The following FTO variants were observed in gnomAD, a reference collection of about 807,000 sequenced individuals.
FTO encodes alpha-ketoglutarate-dependent dioxygenase FTO.
A neutral mutation model predicts 63.9 loss-of-function variants in FTO; 47 were observed. The ratio of observed to expected loss-of-function variants is 0.74; its 90% CI spans 0.58 to 0.94. The LOEUF (loss-of-function observed/expected upper bound fraction) is 0.94. FTO is among the 40% of genes least tolerant of loss of function. The pLI, the probability that FTO is intolerant of heterozygous loss-of-function variation, is 0.00. For synonymous variants in FTO, 207 were observed against 224.4 expected (o/e 0.92, Z 0.69); for missense variants, 562 against 618.1 (o/e 0.91, Z 0.96).
chr16:54,056,828 T>G (rs1567544281), intron 8 of FTO, among the ~76,000 whole-genome samples: 1 of 152,170 alleles, frequency 6.6e-6, no homozygotes, highest in South Asian at 2.1e-4. Flanking sequence ...GAAATAATAA[T>G]GTTTGTTGTT....
upstream of FTO, chr16:53,704,078 A>C (rs1310197050): frequency 2.6e-6 from 3 of 1,174,188 alleles, no homozygotes; most frequent in African/African-American, 3.0e-5. Context: ...CAGAGGGAGA[A>C]TAGCTCCAGA....
intron 7 of FTO, among the ~76,000 whole-genome samples, chr16:53,921,103 A>C (rs2081996982): frequency 2.0e-5 from 3 of 152,364 alleles, no homozygotes; most frequent in South Asian, 4.1e-4. Flanking sequence ...GTAGGGCCGC[A>C]GACAAAAGGC....
At chr16:54,106,556 TATA>T (rs1475593244) in intron 8 of FTO, among the ~76,000 whole-genome samples, 2 of 142,122 alleles carry the variant, frequency 1.4e-5, no homozygotes, top group Non-Finnish European at 3.0e-5. Flanking sequence ...TAATATTAGA[TATA>T]ATTATTCTAT....
intron 7 of FTO, among the ~76,000 whole-genome samples, chr16:53,933,770 G>C (rs946958178): frequency 6.6e-6 from 1 of 152,144 alleles, no homozygotes; most frequent in African/African-American, 2.4e-5. Context: ...GTTACTTAAG[G>C]CAATGGAGCT....
chr16:53,794,479 C>A (rs2078008502), intron 1 of FTO, among the ~76,000 whole-genome samples: 1 of 152,138 alleles, frequency 6.6e-6, no homozygotes, highest in Admixed American at 6.5e-5. Context: ...AGATTTAGCT[C>A]CCATAGAGTG....
chr16:53,853,210 C>T (rs1315538264), intron 4 of FTO, among the ~76,000 whole-genome samples: 6 of 152,112 alleles, frequency 3.9e-5, no homozygotes, highest in Non-Finnish European at 7.4e-5. Context: ...GAGGCCGAGG[C>T]CAGAGAATCC....
chr16:53,852,100 A>G (rs1345475245), intron 4 of FTO, among the ~76,000 whole-genome samples: 3 of 133,578 alleles, frequency 2.2e-5, no homozygotes, highest in Non-Finnish European at 4.7e-5. Flanking sequence ...TACAAAAAAT[A>G]CAAAAAAAAA....
chr16:54,104,884 T>C (rs1458664343), intron 8 of FTO, among the ~76,000 whole-genome samples: 1 of 152,238 alleles, frequency 6.6e-6, no homozygotes, highest in Non-Finnish European at 1.5e-5. Context: ...CAAGCCCTTC[T>C]GGCCAGCGTT....
intron 8 of FTO, among the ~76,000 whole-genome samples, chr16:54,097,859 G>A (rs1175643345): frequency 1.3e-5 from 2 of 152,186 alleles, no homozygotes; most frequent in Non-Finnish European, 2.9e-5. Flanking sequence ...GCTGTCCTGA[G>A]TAAGGCGGTC....
intron 3 of FTO, among the ~76,000 whole-genome samples, chr16:53,830,761 T>A (rs1179415360): frequency 3.9e-5 from 6 of 152,124 alleles, no homozygotes; most frequent in Non-Finnish European, 1.5e-5. Context: ...CTGGGCATGG[T>A]GGTGCGCACC....
At chr16:54,064,079 T>C (rs1374818996) in intron 8 of FTO, 13 of 152,182 alleles carry the variant, frequency 8.5e-5, no homozygotes, top group African/African-American at 3.1e-4. Flanking sequence ...GCTTTACTTA[T>C]CCTGCTAGTT....
At chr16:53,918,191 G>A (rs182004414) in intron 7 of FTO, among the ~76,000 whole-genome samples, 95 of 152,256 alleles carry the variant, frequency 6.2e-4, no homozygotes, top group African/African-American at 2.1e-3. Context: ...TAATGATGGG[G>A]ATATTTTCCG....
chr16:54,100,351 T>TTTTG (rs1242511182), intron 8 of FTO, among the ~76,000 whole-genome samples: 39 of 152,168 alleles, frequency 2.6e-4, no homozygotes, highest in African/African-American at 8.2e-4. Context: ...ATTGTGGGGT[T>TTTTG]TTTGTTTGTT....
chr16:53,915,216 G>A (rs1240623739), intron 7 of FTO, among the ~76,000 whole-genome samples: 1 of 152,138 alleles, frequency 6.6e-6, no homozygotes, highest in African/African-American at 2.4e-5. Context: ...CCTTTCTGCT[G>A]TCAGTGTTTA....
intron 7 of FTO, among the ~76,000 whole-genome samples, chr16:53,892,496 T>C (rs2081174478): frequency 6.6e-6 from 1 of 152,200 alleles, no homozygotes; most frequent in South Asian, 2.1e-4. Flanking sequence ...CTAATCCAAA[T>C]GGAATTTCTG....
chr16:54,075,812 T>G (rs2085979619), intron 8 of FTO, among the ~76,000 whole-genome samples: 1 of 152,244 alleles, frequency 6.6e-6, no homozygotes, highest in Non-Finnish European at 1.5e-5. Context: ...GTATGTGAAA[T>G]TATTTCTTTA....
At chr16:53,918,377 A>G (rs377022387) in intron 7 of FTO, among the ~76,000 whole-genome samples, 135 of 152,354 alleles carry the variant, frequency 8.9e-4, no homozygotes, top group Non-Finnish European at 1.5e-3. Flanking sequence ...CTGTGACACA[A>G]TGATAAGTAT....
intron 8 of FTO, among the ~76,000 whole-genome samples, chr16:54,020,790 G>A (rs759236827): frequency 6.6e-6 from 1 of 152,068 alleles, no homozygotes; most frequent in Non-Finnish European, 1.5e-5. Flanking sequence ...TGGCCAACAT[G>A]GCGAAACTTC....
chr16:54,084,442 C>G (rs1299814691), intron 8 of FTO, among the ~76,000 whole-genome samples: 1 of 152,154 alleles, frequency 6.6e-6, no homozygotes, highest in African/African-American at 2.4e-5. Flanking sequence ...CAGTCAGATT[C>G]CACAGAGCAT....
Sources: gnomAD v4.1 joint callset for allele counts (sites outside exome capture counted in the v4.1 genomes callset) on GRCh38, gnomAD v4.1.1 for gene constraint, MANE v1.5 for transcripts, NCBI Gene and HGNC (gene_info 2026-07-23, HGNC 2026-07-21) for gene names.